RNF115: variants seen among roughly 807,000 people sequenced by gnomAD.
RNF115 encodes E3 ubiquitin-protein ligase RNF115.
A neutral mutation model predicts 39.2 loss-of-function variants in RNF115; 31 were observed. That is an observed-to-expected ratio of 0.79 (90% confidence interval 0.59 to 1.07). The LOEUF is 1.07. RNF115 is among the 50% of genes least tolerant of loss of function. RNF115 has a pLI of 0.00. For synonymous variants in RNF115, 124 were observed against 131.0 expected (o/e 0.95, Z 0.37); for missense variants, 384 against 381.7 (o/e 1.01, Z -0.05).
intron 1 of RNF115, among the ~76,000 whole-genome samples, chr1:145,795,377 G>C (rs1311282182): frequency 1.3e-5 from 2 of 152,066 alleles, no homozygotes; most frequent in African/African-American, 4.8e-5. Flanking sequence ...GCTGCTGCTG[G>C]CTGGTACGGC....
intron 1 of RNF115, 80 bp downstream of exon 1, chr1:145,823,692 G>A (rs1257118216): frequency 2.1e-5 from 24 of 1,141,614 alleles, no homozygotes; most frequent in Non-Finnish European, 2.6e-5. Context: ...ATGATGTGCA[G>A]AAAGCTCCAG....
intron 4 of RNF115, among the ~76,000 whole-genome samples, chr1:145,755,615 C>G (rs1318086217): frequency 1.2e-4 from 19 of 152,218 alleles, no homozygotes; most frequent in Admixed American, 1.1e-3. Context: ...ATTTCGATAT[C>G]TGGATACCGG....
chr1:145,751,394 C>A, intron 6 of RNF115, 44 bp downstream of exon 6: 1 of 1,351,412 alleles, frequency 7.4e-7, no homozygotes, highest in East Asian at 2.5e-5. Flanking sequence ...CCTGTGGAAC[C>A]ATGAGACACA....
At chr1:145,788,671 T>G in intron 2 of RNF115, 1 of 638,782 alleles carries the variant, frequency 1.6e-6, no homozygotes, top group Non-Finnish European at 2.9e-6. Flanking sequence ...TCAGGAGCAG[T>G]GCGTATCACC....
At chr1:145,821,499 C>G (rs1650239830) in intron 1 of RNF115, among the ~76,000 whole-genome samples, 1 of 80,378 alleles carries the variant, frequency 1.2e-5, no homozygotes, top group African/African-American at 3.6e-5. Context: ...GGGTCTGGCT[C>G]TATTGCCCAG....
chr1:145,811,687 A>G (rs1649710765), intron 1 of RNF115, among the ~76,000 whole-genome samples: 1 of 97,694 alleles, frequency 1.0e-5, no homozygotes, highest in Admixed American at 1.2e-4. Context: ...CCTGGCCAAC[A>G]TGGTGAAACC....
At chr1:145,809,366 T>C (rs1649597974) in intron 1 of RNF115, among the ~76,000 whole-genome samples, 1 of 151,250 alleles carries the variant, frequency 6.6e-6, no homozygotes, top group South Asian at 2.1e-4. Flanking sequence ...TTTGTACTTT[T>C]AGTAGATGCA....
At chr1:145,770,482 A>G (rs913005756) in intron 4 of RNF115, among the ~76,000 whole-genome samples, 2 of 152,198 alleles carry the variant, frequency 1.3e-5, no homozygotes, top group African/African-American at 2.4e-5. Flanking sequence ...TGAGCACTCA[A>G]AATATAGCTA....
At chr1:145,756,716 T>C (rs587639244) in intron 4 of RNF115, among the ~76,000 whole-genome samples, 19 of 151,998 alleles carry the variant, frequency 1.3e-4, no homozygotes, top group Admixed American at 6.6e-4. Flanking sequence ...CTGGTGATGT[T>C]TGACAGCAAT....
chr1:145,764,339 G>A (rs1433095786), intron 4 of RNF115, among the ~76,000 whole-genome samples: 6 of 151,754 alleles, frequency 4.0e-5, no homozygotes, highest in East Asian at 3.9e-4. Flanking sequence ...CCGACACCCC[G>A]TCTGGGAAGT....
intron 3 of RNF115, among the ~76,000 whole-genome samples, chr1:145,783,711 G>A (rs1186282258): frequency 5.3e-5 from 8 of 151,924 alleles, no homozygotes; most frequent in African/African-American, 1.2e-4. Flanking sequence ...AAAGAAAAAC[G>A]TCAGTGTTTT....
At chr1:145,776,702 G>A (rs938819454) in intron 3 of RNF115, among the ~76,000 whole-genome samples, 1 of 151,986 alleles carries the variant, frequency 6.6e-6, no homozygotes, top group Non-Finnish European at 1.5e-5. Flanking sequence ...TGGGCGTGGT[G>A]GAGCATGCCT....
chr1:145,755,617 G>A (rs1658265242), intron 4 of RNF115, among the ~76,000 whole-genome samples: 1 of 152,082 alleles, frequency 6.6e-6, no homozygotes, highest in African/African-American at 2.4e-5. Flanking sequence ...TTCGATATCT[G>A]GATACCGGTG....
At position 145,750,489 on chromosome 1, in the gene RNF115, T is replaced by C. The variant is rs1407374770; in HGVS notation, c.585A>G (p.Gln195=). ...LDAIVTQLLG[Q]LENTGPPPAD... ...CTGGGGGAGGGCCTGTGTTTTCCAG[T>C]TGTCCTAAAAGCTACAAAAAAAGAG... is the stretch of plus-strand genomic sequence containing the variant. Residue 195 remains glutamine (Q), a synonymous_variant, in exon 7 of 9, where the codon CAA becomes CAG. Coordinates refer to ENST00000582693, the MANE Select transcript of RNF115 (RefSeq NM_014455.4). 6.2e-7 allele frequency: 1 copy of C among 1,613,752 alleles called. No individual in the cohort carries two copies. Among genetic ancestry groups the C allele is most frequent in the Non-Finnish European group, 8.5e-7 (1 of 1,179,736 alleles).
chr1:145,751,277 C>T (rs587620013), intron 6 of RNF115, among the ~76,000 whole-genome samples, 161 bp downstream of exon 6: 1 of 152,262 alleles, frequency 6.6e-6, no homozygotes, highest in South Asian at 2.1e-4. Flanking sequence ...CTGAGCTAAC[C>T]CCATAAATCA....
At chr1:145,767,177 G>A (rs1225013853) in intron 4 of RNF115, among the ~76,000 whole-genome samples, 1 of 151,612 alleles carries the variant, frequency 6.6e-6, no homozygotes, top group Admixed American at 6.6e-5. Flanking sequence ...CCTCCCGGAC[G>A]GGGTGGCTGC....
chr1:145,793,151 T>C (rs1648756350), intron 1 of RNF115, among the ~76,000 whole-genome samples: 1 of 152,168 alleles, frequency 6.6e-6, no homozygotes, highest in African/African-American at 2.4e-5. Context: ...AGACCTTGTC[T>C]CTACAAAAAT....
intron 1 of RNF115, among the ~76,000 whole-genome samples, chr1:145,795,350 A>G (rs1419904941): frequency 1.5e-4 from 23 of 152,108 alleles, no homozygotes; most frequent in Admixed American, 1.4e-3. Flanking sequence ...ACAACGCGGA[A>G]GGGACCCAAG....
chr1:145,753,167 G>C, intron 4 of RNF115, 118 bp from the exon 5 acceptor site: 1 of 653,402 alleles, frequency 1.5e-6, no homozygotes, highest in Non-Finnish European at 2.7e-6. Context: ...TCATTGGCTA[G>C]TACACAAGAG....
Sources: allele counts gnomAD v4.1 joint callset (sites outside exome capture counted in the v4.1 genomes callset), GRCh38; gene constraint gnomAD v4.1.1; transcripts MANE v1.5; gene names NCBI Gene and HGNC (gene_info 2026-07-23, HGNC 2026-07-21).